Variants in SPIDR observed in about 807,000 individuals in gnomAD.
SPIDR encodes scaffold protein involved in DNA repair, also known as DNA repair-scaffolding protein.
In SPIDR, 93 loss-of-function variants were observed where a neutral mutation model predicts 104.6. The ratio of observed to expected loss-of-function variants is 0.89; its 90% CI spans 0.75 to 1.06. The LOEUF (loss-of-function observed/expected upper bound fraction) is 1.06. SPIDR is among the 50% of genes least tolerant of loss of function. The pLI, the probability that SPIDR is intolerant of heterozygous loss-of-function variation, is 0.00. For synonymous variants in SPIDR, 431 were observed against 416.9 expected, an observed-to-expected ratio of 1.03 and a Z score of -0.41; for missense variants, 1,154 against 1,111.2, an observed-to-expected ratio of 1.04 and a Z score of -0.55.
intron 7 of SPIDR, among the ~76,000 whole-genome samples, chr8:47,429,645 A>G (rs534310700): frequency 2.0e-5 from 3 of 152,218 alleles, no homozygotes; most frequent in Non-Finnish European, 4.4e-5. Context: ...AGCCCTCATC[A>G]GGCAGTGTTG....
intron 8 of SPIDR, among the ~76,000 whole-genome samples, chr8:47,485,393 G>C (rs971087071): frequency 1.3e-5 from 2 of 152,146 alleles, no homozygotes; most frequent in African/African-American, 4.8e-5. Context: ...AGCTCAAGGA[G>C]GCTTGCCTGC....
chr8:47,265,361 A>G (rs1233037957), intron 1 of SPIDR, among the ~76,000 whole-genome samples: 1 of 151,136 alleles, frequency 6.6e-6, no homozygotes, highest in South Asian at 2.1e-4. Context: ...GCTAATATTT[A>G]AATTTATTTT....
In SPIDR at chr8:47,294,037, A is replaced by T; in HGVS notation, c.525+7A>T. The T allele has an allele frequency of 1.2e-6, 2 of 1,607,100 alleles. No homozygotes were observed. The highest frequency in any genetic ancestry group is 2.2e-5 in the South Asian group (2 of 89,406). ...GCTGTCGGAGCTTCCCAAGGTAAGA[A>T]TGAAGTATTTCAAAACTTTTATTCA... is the stretch of plus-strand genomic sequence containing the variant. On this transcript the variant is annotated splice_region_variant and intron_variant, in intron 5 of 19. Transcript: ENST00000297423.
intron 7 of SPIDR, among the ~76,000 whole-genome samples, chr8:47,420,683 T>G (rs1210011924): frequency 2.0e-5 from 3 of 152,194 alleles, no homozygotes; most frequent in African/African-American, 7.2e-5. Flanking sequence ...ATTTTGCTCA[T>G]TAGTTGATGC....
chr8:47,590,346 A>C (rs1336804094), intron 8 of SPIDR, among the ~76,000 whole-genome samples: 1 of 152,032 alleles, frequency 6.6e-6, no homozygotes, highest in Non-Finnish European at 1.5e-5. Flanking sequence ...GCTGTTTCTC[A>C]CAAGTTTTGA....
chr8:47,441,547 A>G (rs2069434009), intron 8 of SPIDR, among the ~76,000 whole-genome samples: 1 of 151,350 alleles, frequency 6.6e-6, no homozygotes, highest in Non-Finnish European at 1.5e-5. Context: ...AGTCATATAC[A>G]TTGCAGTTAG....
chr8:47,712,920 C>T, intron 15 of SPIDR, 48 bp downstream of exon 15: 1 of 1,608,370 alleles, frequency 6.2e-7, no homozygotes, highest in Non-Finnish European at 8.5e-7. Flanking sequence ...CTGATCCGTG[C>T]CCATAGAATA....
intron 11 of SPIDR, among the ~76,000 whole-genome samples, chr8:47,675,967 C>A (rs924442960): frequency 6.6e-6 from 1 of 152,224 alleles, no homozygotes. Context: ...GGGGCTCCCG[C>A]CACAGGATGT....
rs1254916458 is a variant in SPIDR at position 47,299,082 on chromosome 8, A to T, written c.525+5052A>T. Among the ~76,000 whole-genome samples the T allele has an allele frequency of 5.9e-5, 9 of 152,146 alleles. No individual in the cohort carries two copies. In the East Asian group the frequency reaches 1.7e-3, roughly 29 times the overall value. On this transcript the variant is annotated intron_variant, in intron 5 of 19. Coordinates refer to ENST00000297423, the MANE Select transcript of SPIDR (RefSeq NM_001080394.4). Reference sequence around the variant, plus strand: ...TTCACGATATTGACTCTTCCTACCCATGAGCATGGAATGTTCTTCCATTTG... The same window carrying T: ...TTCACGATATTGACTCTTCCTACCCTTGAGCATGGAATGTTCTTCCATTTG...
chr8:47,569,490 T>G (rs982141474), intron 8 of SPIDR, among the ~76,000 whole-genome samples: 6 of 152,178 alleles, frequency 3.9e-5, no homozygotes, highest in African/African-American at 1.2e-4. Flanking sequence ...TGGAACATTT[T>G]CCAGGATAGA....
At chr8:47,569,474 T>G (rs1411781645) in intron 8 of SPIDR, among the ~76,000 whole-genome samples, 1 of 152,190 alleles carries the variant, frequency 6.6e-6, no homozygotes, top group Non-Finnish European at 1.5e-5. Flanking sequence ...TCTTGTCAAG[T>G]GCACATGGAA....
At chr8:47,624,956 G>A (rs2065812491) in intron 10 of SPIDR, among the ~76,000 whole-genome samples, 2 of 152,076 alleles carry the variant, frequency 1.3e-5, no homozygotes, top group Admixed American at 6.5e-5. Context: ...TTAGACCAAT[G>A]TCCTTGATGA....
chr8:47,637,561 C>T (rs1487860494), intron 10 of SPIDR, among the ~76,000 whole-genome samples: 3 of 152,034 alleles, frequency 2.0e-5, no homozygotes, highest in African/African-American at 7.2e-5. Context: ...CAGAGCAAGA[C>T]GTGCTCTCAA....
chr8:47,611,139 C>T (rs1227655303), intron 10 of SPIDR, among the ~76,000 whole-genome samples: 1 of 152,170 alleles, frequency 6.6e-6, no homozygotes, highest in Non-Finnish European at 1.5e-5. Context: ...CAGGATGAAC[C>T]AGTCCATGGA....
chr8:47,550,581 G>A (rs1379400262), intron 8 of SPIDR, among the ~76,000 whole-genome samples: 2 of 152,070 alleles, frequency 1.3e-5, no homozygotes, highest in Non-Finnish European at 2.9e-5. Context: ...TGTTATTGGT[G>A]TATATAGGAA....
At chr8:47,667,135 G>T (rs1352683223) in intron 10 of SPIDR, among the ~76,000 whole-genome samples, 3 of 151,990 alleles carry the variant, frequency 2.0e-5, no homozygotes, top group Non-Finnish European at 4.4e-5. Flanking sequence ...ACAAAAATTA[G>T]CCGGGTGTGG....
intron 8 of SPIDR, among the ~76,000 whole-genome samples, chr8:47,508,855 C>T (rs2081892600): frequency 6.6e-6 from 1 of 151,972 alleles, no homozygotes; most frequent in Non-Finnish European, 1.5e-5. Context: ...TTCTTTTTCT[C>T]CTCAAAAGTA....
intron 19 of SPIDR, among the ~76,000 whole-genome samples, chr8:47,731,924 G>A (rs776417483): frequency 8.5e-5 from 13 of 152,216 alleles, no homozygotes; most frequent in Non-Finnish European, 1.8e-4. Flanking sequence ...GTTTGAGAAC[G>A]CATGATAAAA....
intron 11 of SPIDR, among the ~76,000 whole-genome samples, chr8:47,689,428 T>G (rs373350219): frequency 3.0e-4 from 45 of 152,288 alleles, no homozygotes; most frequent in African/African-American, 1.1e-3. Context: ...ATTAGGTCCG[T>G]TTTGTGTGAT....
Sources: allele counts gnomAD v4.1 joint callset (sites outside exome capture counted in the v4.1 genomes callset), GRCh38; gene constraint gnomAD v4.1.1; transcripts MANE v1.5; gene names NCBI Gene and HGNC (gene_info 2026-07-23, HGNC 2026-07-21).